Variants in GRK4 observed in about 807,000 individuals in gnomAD.
GRK4 encodes G protein-coupled receptor kinase 2-like.
A neutral mutation model predicts 77.9 loss-of-function variants in GRK4; 73 were observed. The observed-to-expected ratio is 0.94, with a 90% CI of 0.78 to 1.14. GRK4 has a LOEUF of 1.14. GRK4 is among the 50% of genes most tolerant of loss of function. The pLI is 0.00. For missense variants in GRK4, 729 were observed against 700.2 expected (o/e 1.04, Z -0.46); for synonymous variants, 257 against 254.4 (o/e 1.01, Z -0.10).
Position 3,035,426 on chromosome 4 carries a change from G to A in GRK4, c.1310G>A (p.Gly437Asp). The change falls in exon 13 of 16, where the codon GGC (glycine) becomes GAC (aspartate). Residue 437 changes from glycine to aspartate, a missense_variant. Physicochemically the swap from Gly to Asp is moderately conservative, Grantham distance 94 (BLOSUM62 -1). Transcript: ENST00000398052. ...KNPSKRLGCR[G>D]EGAAGVKQHP... ...CCAAGCAAGCGGCTGGGCTGCAGGG[G>A]CGAGGGAGCGGCTGGGGTGAAGCAG... The A allele has an allele frequency of 1.2e-6, 2 of 1,613,974 alleles. No homozygotes were observed. The highest frequency in any genetic ancestry group is 1.7e-6 in the Non-Finnish European group (2 of 1,179,974).
intron 12 of GRK4, among the ~76,000 whole-genome samples, chr4:3,030,751 C>T (rs1305874230): frequency 1.3e-5 from 2 of 152,014 alleles, no homozygotes; most frequent in South Asian, 2.1e-4. Context: ...TAGAGGGGGA[C>T]GGGACAGAGA....
chr4:3,031,362 AG>A (rs1489005973), intron 12 of GRK4, among the ~76,000 whole-genome samples: 1 of 152,198 alleles, frequency 6.6e-6, no homozygotes, highest in Non-Finnish European at 1.5e-5. Flanking sequence ...CTTGGAAAGC[AG>A]GGGTTTCCTC....
intron 12 of GRK4, among the ~76,000 whole-genome samples, chr4:3,032,896 C>T (rs1739554679): frequency 6.6e-6 from 1 of 152,214 alleles, no homozygotes; most frequent in South Asian, 2.1e-4. Context: ...AGCTTTTGGA[C>T]CAAGCCCCTC....
chr4:2,981,967 G>T (rs149998410), intron 1 of GRK4, among the ~76,000 whole-genome samples: 1 of 152,258 alleles, frequency 6.6e-6, no homozygotes, highest in African/African-American at 2.4e-5. Flanking sequence ...CGCCCCTATC[G>T]TGCACACACC....
intron 1 of GRK4, among the ~76,000 whole-genome samples, chr4:2,981,793 C>A (rs1456970265): frequency 2.0e-5 from 3 of 152,214 alleles, no homozygotes; most frequent in Admixed American, 2.0e-4. Context: ...CCCTTTCTAC[C>A]CAGGAGCCTG....
chr4:2,997,099 G>A (rs1331174897), intron 4 of GRK4, among the ~76,000 whole-genome samples: 7 of 152,124 alleles, frequency 4.6e-5, no homozygotes, highest in South Asian at 2.1e-4. Flanking sequence ...AAGCAAGACC[G>A]TGTGTTCATT....
At chr4:2,993,358 C>G (rs901158042) in intron 4 of GRK4, among the ~76,000 whole-genome samples, 6 of 152,086 alleles carry the variant, frequency 3.9e-5, no homozygotes, top group African/African-American at 1.4e-4. Context: ...AAAGGAACAA[C>G]AGGGATAGCA....
intron 10 of GRK4, 34 bp from the exon 11 acceptor site, chr4:3,027,878 C>A: frequency 6.3e-7 from 1 of 1,579,612 alleles, no homozygotes; most frequent in Non-Finnish European, 8.7e-7. Flanking sequence ...TTACTTCCCC[C>A]GTGACCTGTG....
chr4:2,970,574 C>G (rs1430661007), intron 1 of GRK4, among the ~76,000 whole-genome samples: 1 of 151,436 alleles, frequency 6.6e-6, no homozygotes, highest in Non-Finnish European at 1.5e-5. Flanking sequence ...GGGAGAATCA[C>G]TTGAACCCGG....
intron 5 of GRK4, among the ~76,000 whole-genome samples, chr4:3,005,658 G>A (rs1055629182): frequency 6.6e-6 from 1 of 152,060 alleles, no homozygotes; most frequent in Non-Finnish European, 1.5e-5. Flanking sequence ...GCAAAAATTA[G>A]CCAGGCCTGG....
intron 5 of GRK4, among the ~76,000 whole-genome samples, chr4:3,005,419 T>G (rs933082508): frequency 2.0e-5 from 3 of 152,138 alleles, no homozygotes; most frequent in African/African-American, 7.2e-5. Context: ...AGCTCACATG[T>G]GGCAGGGAGT....
chr4:3,025,997 TCCTG>T (rs1168281635), intron 10 of GRK4, among the ~76,000 whole-genome samples: 2 of 152,252 alleles, frequency 1.3e-5, no homozygotes, highest in Admixed American at 6.5e-5. Flanking sequence ...CTGCTGTGCC[TCCTG>T]CAGGCGAACC....
At chr4:3,026,173 G>A (rs1319423130) in intron 10 of GRK4, among the ~76,000 whole-genome samples, 2 of 152,204 alleles carry the variant, frequency 1.3e-5, no homozygotes, top group Non-Finnish European at 2.9e-5. Flanking sequence ...CAATTTGTCA[G>A]ATATTGCCAG....
chr4:3,014,797 A>C lies in GRK4; in HGVS notation c.741+969A>C, dbSNP rs529630634. On this transcript the variant is annotated intron_variant, in intron 8 of 15. Transcript: ENST00000398052. ...GGGCAACAGAGCGAGACTCCGTTTC[A>C]AAAAAAAGAGAGAGAGATGAGATCT... 1.2e-4 allele frequency among the ~76,000 whole-genome samples: 18 copies of C among 151,934 alleles called. No individual in the cohort carries two copies. In the South Asian group the frequency reaches 3.7e-3, roughly 32 times the overall value.
intron 8 of GRK4, among the ~76,000 whole-genome samples, chr4:3,016,249 C>G (rs1406147674): frequency 6.7e-6 from 1 of 150,222 alleles, no homozygotes; most frequent in Non-Finnish European, 1.5e-5. Context: ...GGCACTGTGG[C>G]TCACGCCCTG....
chr4:3,037,910 G>A (rs1396872486), intron 14 of GRK4, among the ~76,000 whole-genome samples: 1 of 144,332 alleles, frequency 6.9e-6, no homozygotes, highest in Non-Finnish European at 1.5e-5. Flanking sequence ...ACGAGACTTC[G>A]TCTCACCCAA....
Position 2,964,115 on chromosome 4 carries a change from G to C in GRK4, c.45G>C (p.Ala15=), listed in dbSNP as rs753340331. 3.7e-5 allele frequency: 60 copies of C among 1,604,254 alleles called. No individual in the cohort carries two copies. Among genetic ancestry groups the C allele is most frequent in the Non-Finnish European group, 5.0e-5 (59 of 1,177,652 alleles). The change falls in exon 1 of 16, where the codon GCG becomes GCC. Residue 15 remains alanine (A), a synonymous_variant. Transcript: ENST00000398052. ...NIVANSLLLK[A]RQGGYGKKSG... Reference sequence around the variant, plus strand: ...TGGCCAACTCGCTGCTGCTGAAAGCGCGTCAAGGTGGGTGCGCGGCAGGCG... The same window carrying C: ...TGGCCAACTCGCTGCTGCTGAAAGCCCGTCAAGGTGGGTGCGCGGCAGGCG...
In GRK4 at chr4:2,988,954, G is replaced by A. The variant is rs191681750; in HGVS notation, c.261+115G>A. ...AATCCCAGCATTTTGGAAGGCTGAG[G>A]CGGGCGGATCATGAGGTCAGGAGAT... On this transcript the variant is annotated intron_variant, in intron 3 of 15. Transcript: ENST00000398052. 9.1e-6 allele frequency: 6 copies of A among 662,958 alleles called. No individual in the cohort carries two copies. In the Admixed American group the frequency reaches 1.1e-4, roughly 12 times the overall value. The allele number at this position is 662,958 out of a possible 1,614,324, so 41.1% of individuals were successfully genotyped here. A position where few individuals can be genotyped will look rare whatever the true frequency, so the allele number is the denominator to read the frequency against.
In GRK4 at chr4:2,970,685, T is replaced by G. The variant is rs371245484; in HGVS notation, c.52+6563T>G. ...AAAAAAAAAAAATGTTCTTTTTTTTTGGGGGGGTCAGTCTCGCTCTGTCGC... is the reference window on the plus strand; with the variant it reads ...AAAAAAAAAAAATGTTCTTTTTTTTGGGGGGGGTCAGTCTCGCTCTGTCGC... On this transcript the variant is annotated intron_variant, in intron 1 of 15. Coordinates refer to ENST00000398052, the MANE Select transcript of GRK4 (RefSeq NM_182982.3). Among the ~76,000 whole-genome samples, 488 of 151,348 alleles carry G rather than the reference T, an allele frequency of 3.2e-3. 2 individuals carry two copies. Among genetic ancestry groups the G allele is most frequent in the African/African-American group, 0.011 (450 of 41,330 alleles).
Sources: allele counts gnomAD v4.1 joint callset (sites outside exome capture counted in the v4.1 genomes callset), GRCh38; gene constraint gnomAD v4.1.1; transcripts MANE v1.5; gene names NCBI Gene and HGNC (gene_info 2026-07-23, HGNC 2026-07-21).